Variants in BFAR observed in about 807,000 individuals in gnomAD.
BFAR encodes bifunctional apoptosis regulator.
In BFAR, 52 loss-of-function variants were observed where a neutral mutation model predicts 54.4. The ratio of observed to expected loss-of-function variants is 0.96; its 90% CI spans 0.77 to 1.21. The LOEUF is 1.21. Among genes scored for constraint, BFAR ranks in the 50% most tolerant of loss-of-function variants. The probability of loss-of-function intolerance (pLI) is 0.00; values close to 1 mark genes in which losing one functional copy is unlikely to be tolerated. For synonymous variants in BFAR, 215 were observed against 204.3 expected, an observed-to-expected ratio of 1.05 and a Z score of -0.45; for missense variants, 571 against 534.0, an observed-to-expected ratio of 1.07 and a Z score of -0.68.
chr16:14,651,041 T>TA (rs1280935149), intron 4 of BFAR, among the ~76,000 whole-genome samples: 1 of 152,160 alleles, frequency 6.6e-6, no homozygotes, highest in African/African-American at 2.4e-5. Context: ...TGTGACCAAA[T>TA]ATGTGGGGTT....
intron 1 of BFAR, among the ~76,000 whole-genome samples, chr16:14,643,427 G>GGC (rs1959687069): frequency 1.3e-5 from 2 of 152,196 alleles, no homozygotes; most frequent in Non-Finnish European, 2.9e-5. Flanking sequence ...CGAGTCTATG[G>GGC]AACCTTCCAC....
At chr16:14,649,130 C>T (rs539287137) in intron 3 of BFAR, among the ~76,000 whole-genome samples, 3 of 134,552 alleles carry the variant, frequency 2.2e-5, no homozygotes, top group South Asian at 2.3e-4. Context: ...GGCTAGAGTG[C>T]GGTGGCATGA....
chr16:14,668,056 C>T lies in BFAR; in HGVS notation c.*229C>T, dbSNP rs895678130. 8 of 543,358 alleles carry T rather than the reference C, an allele frequency of 1.5e-5. No homozygotes were observed. The highest frequency in any genetic ancestry group is 3.1e-5 in the Admixed American group (1 of 31,780). The allele number at this position is 543,358 out of a possible 1,614,324, so 33.7% of individuals were successfully genotyped here. A position where few individuals can be genotyped will look rare whatever the true frequency, so the allele number is the denominator to read the frequency against. On this transcript the variant is annotated 3_prime_UTR_variant, in exon 8 of 8. Transcript: ENST00000261658. The stretch of plus-strand genomic sequence containing the variant: ...ATTGTCTGTTTGGCTGACACAGCAG[C>T]AGCCCTTCCCACCCAGCCACCTTCC...
At chr16:14,647,657 A>T (rs867183016) in intron 2 of BFAR, among the ~76,000 whole-genome samples, 1 of 151,822 alleles carries the variant, frequency 6.6e-6, no homozygotes, top group South Asian at 2.1e-4. Context: ...AGCCTGGGTG[A>T]CAGAGCAAGA....
chr16:14,656,347 A>C (rs1960128589), intron 5 of BFAR, among the ~76,000 whole-genome samples: 1 of 152,136 alleles, frequency 6.6e-6, no homozygotes, highest in Non-Finnish European at 1.5e-5. Flanking sequence ...GTAACATGGC[A>C]AGACCCCATC....
In BFAR at chr16:14,633,644, AAGAGAATTTTCTTTTTTTTCTTTTT is replaced by A. The variant is rs553939167; in HGVS notation, c.-74+632_-74+656del. ...TGCGGCTCGGAAATAACTTAGGCAA[AAGAGAATTTTCTTTTTTTTCTTTTT>A]AGAGACGGAGTCTTGCCCTGCCGCC... On this transcript the variant is annotated intron_variant, in intron 1 of 7. Coordinates refer to ENST00000261658, the MANE Select transcript of BFAR (RefSeq NM_016561.3). 3.2e-4 allele frequency among the ~76,000 whole-genome samples: 48 copies of A among 152,258 alleles called. No homozygotes were observed. The East Asian group carries it at 8.5e-3, about 27-fold the overall frequency.
At chr16:14,657,280 G>T (rs527595552) in intron 5 of BFAR, among the ~76,000 whole-genome samples, 1 of 151,610 alleles carries the variant, frequency 6.6e-6, no homozygotes, top group African/African-American at 2.4e-5. Context: ...AGGGTGTCTC[G>T]CTCTGTCGCC....
chr16:14,667,964 C>T lies in BFAR; in HGVS notation c.*137C>T. The T allele has an allele frequency of 1.2e-6, 1 of 867,936 alleles. No homozygotes were observed. The highest frequency in any genetic ancestry group is 2.7e-5 in the Admixed American group (1 of 37,506). 53.8% of individuals were successfully genotyped at this position (867,936 alleles called of 1,614,324 possible). A position where few individuals can be genotyped will look rare whatever the true frequency, so the allele number is the denominator to read the frequency against. ...GGTGCTGCTTTGTATATCAAAAGCT[C>T]CAACCATGTCCTCTCCCCCTCAGCC... On this transcript the variant is annotated 3_prime_UTR_variant, in exon 8 of 8. Coordinates refer to ENST00000261658, the MANE Select transcript of BFAR (RefSeq NM_016561.3).
intron 7 of BFAR, among the ~76,000 whole-genome samples, chr16:14,666,380 G>A (rs1274665510): frequency 6.6e-6 from 1 of 152,168 alleles, no homozygotes; most frequent in Non-Finnish European, 1.5e-5. Context: ...AGACCAGCCT[G>A]GCCAACATAG....
chr16:14,649,341 GC>G (rs1204281713), intron 3 of BFAR, among the ~76,000 whole-genome samples: 1 of 152,174 alleles, frequency 6.6e-6, no homozygotes, highest in African/African-American at 2.4e-5. Flanking sequence ...CTCCTCAAGT[GC>G]TGGGATTATA....
At chr16:14,645,315 AAAAGAAAGAAAG>A (rs564948559) in intron 2 of BFAR, among the ~76,000 whole-genome samples, 71 of 152,066 alleles carry the variant, frequency 4.7e-4, no homozygotes, top group Admixed American at 8.5e-4. Context: ...GTCTCAAAAA[AAAAGAAAGAAAG>A]AAAGAAAGAA....
At chr16:14,647,549 C>T (rs991374149) in intron 2 of BFAR, among the ~76,000 whole-genome samples, 3 of 151,954 alleles carry the variant, frequency 2.0e-5, no homozygotes, top group African/African-American at 4.8e-5. Flanking sequence ...GGTGTAATGG[C>T]GCATGCCCAT....
rs1960088131 is a variant in BFAR at position 14,655,123 on chromosome 16, C to T, written c.696C>T (p.Asn232=). Residue 232 remains asparagine (N), a synonymous_variant, in exon 5 of 8, where the codon AAC becomes AAT. Transcript: ENST00000261658. Reference sequence around the variant, plus strand: ...CCAAGACGCCCTATACCATAGAAAACAGCAGCCACAGGAGAGCCATCCTCA... The same window carrying T: ...CCAAGACGCCCTATACCATAGAAAATAGCAGCCACAGGAGAGCCATCCTCA... The part of the protein sequence containing the change: ...EFSKTPYTIE[N]SSHRRAILME... 2 of 1,612,312 alleles carry T rather than the reference C, an allele frequency of 1.2e-6. No individual in the cohort carries two copies. Among genetic ancestry groups the T allele is most frequent in the Non-Finnish European group, 8.5e-7 (1 of 1,179,252 alleles).
chr16:14,644,595 C>T lies in BFAR; in HGVS notation c.249C>T (p.Val83=), dbSNP rs1403367422. The T allele has an allele frequency of 6.2e-7, 1 of 1,612,778 alleles. No homozygotes were observed. Among genetic ancestry groups the T allele is most frequent in the Non-Finnish European group, 8.5e-7 (1 of 1,179,948 alleles). Residue 83 remains valine (V), a synonymous_variant, in exon 2 of 8, where the codon GTC becomes GTT. Transcript: ENST00000261658. ...AAAAATGGGAAGGTTTCCCCAAAGTCAGTATTCTCCTCAGGTAATGTTCAG... is the reference window on the plus strand; with the variant it reads ...AAAAATGGGAAGGTTTCCCCAAAGTTAGTATTCTCCTCAGGTAATGTTCAG... ...CREKWEGFPK[V]SILLRDAIEK...
chr16:14,660,057 G>A (rs955244652), intron 5 of BFAR, among the ~76,000 whole-genome samples: 10 of 152,122 alleles, frequency 6.6e-5, no homozygotes, highest in African/African-American at 1.9e-4. Context: ...AGCATCACAC[G>A]ATGAAGATGG....
chr16:14,657,177 A>G (rs1281081203), intron 5 of BFAR, among the ~76,000 whole-genome samples: 2 of 152,152 alleles, frequency 1.3e-5, no homozygotes, highest in Non-Finnish European at 2.9e-5. Context: ...CAAATATTGT[A>G]AAGAATGTGC....
chr16:14,668,898 G>C lies in BFAR; in HGVS notation c.*1071G>C, dbSNP rs1960518210. ...GGATAGTCGTTTTGTTCAAGGAAAT[G>C]TTTTGTAAATTGAGCTCACACTATA... On this transcript the variant is annotated 3_prime_UTR_variant, in exon 8 of 8. Coordinates refer to ENST00000261658, the MANE Select transcript of BFAR (RefSeq NM_016561.3). The C allele has an allele frequency of 5.7e-6, 1 of 175,604 alleles. No homozygotes were observed. The highest frequency in any genetic ancestry group is 1.2e-5 in the Non-Finnish European group (1 of 80,504). 10.9% of individuals were successfully genotyped at this position (175,604 alleles called of 1,614,324 possible). A position where few individuals can be genotyped will look rare whatever the true frequency, so the allele number is the denominator to read the frequency against.
At position 14,668,019 on chromosome 16, in the gene BFAR, C is replaced by T. The variant is rs147190781; in HGVS notation, c.*192C>T. On this transcript the variant is annotated 3_prime_UTR_variant, in exon 8 of 8. Coordinates refer to ENST00000261658, the MANE Select transcript of BFAR (RefSeq NM_016561.3). ...GGTGGCACGAGCAAGGACTGACATC[C>T]GCACAGGGAGGATTGTCTGTTTGGC... 1.3e-5 allele frequency: 8 copies of T among 595,274 alleles called. No individual in the cohort carries two copies. The highest frequency in any genetic ancestry group is 3.0e-5 in the Admixed American group (1 of 33,300). 36.9% of individuals were successfully genotyped at this position (595,274 alleles called of 1,614,324 possible). A position where few individuals can be genotyped will look rare whatever the true frequency, so the allele number is the denominator to read the frequency against.
At chr16:14,634,992 G>A (rs1212666107) in intron 1 of BFAR, among the ~76,000 whole-genome samples, 1 of 152,202 alleles carries the variant, frequency 6.6e-6, no homozygotes, top group Non-Finnish European at 1.5e-5. Context: ...TTGACCCAGC[G>A]ATGTTGTGAA....
Sources: allele counts gnomAD v4.1 joint callset (sites outside exome capture counted in the v4.1 genomes callset), GRCh38; gene constraint gnomAD v4.1.1; transcripts MANE v1.5; gene names NCBI Gene and HGNC (gene_info 2026-07-23, HGNC 2026-07-21).